Variants in CACHD1 observed in about 807,000 individuals in gnomAD.
CACHD1 encodes VWFA and cache domain-containing protein 1.
In CACHD1, 71 loss-of-function variants were observed where a neutral mutation model predicts 138.7. The ratio of observed to expected loss-of-function variants is 0.51; its 90% CI spans 0.42 to 0.62. CACHD1 has a LOEUF of 0.62. Ranked by LOEUF, CACHD1 falls within the 20% of genes least tolerant of loss-of-function variation. CACHD1 has a pLI of 0.00. For missense variants in CACHD1, 1,389 were observed against 1,625.3 expected, an observed-to-expected ratio of 0.85 and a Z score of 2.50; for synonymous variants, 578 against 591.5, an observed-to-expected ratio of 0.98 and a Z score of 0.33.
In CACHD1 at chr1:64,658,604, G is replaced by A. The variant is rs972193545; in HGVS notation, c.1783-101G>A. ...CATATTTAATGAATACCTTCCACGT[G>A]AAGATAGAAGGTAGAGGCAGTAGAA... On this transcript the variant is annotated intron_variant, in intron 12 of 26. Transcript: ENST00000651257. 2.0e-5 allele frequency: 15 copies of A among 759,496 alleles called. No individual in the cohort carries two copies. In the Admixed American group the frequency reaches 4.2e-4, roughly 21 times the overall value. The allele number at this position is 759,496 out of a possible 1,614,324, so 47.0% of individuals were successfully genotyped here. A position where few individuals can be genotyped will look rare whatever the true frequency, so the allele number is the denominator to read the frequency against.
chr1:64,566,712 A>T (rs1294464327), intron 2 of CACHD1, among the ~76,000 whole-genome samples: 23 of 147,550 alleles, frequency 1.6e-4, no homozygotes, highest in African/African-American at 5.2e-4. Flanking sequence ...TTTTTTTTTT[A>T]AAGGGAAGAT....
At position 64,643,564 on chromosome 1, in the gene CACHD1, C is replaced by T. The variant is rs187199555; in HGVS notation, c.1156+1595C>T. Among the ~76,000 whole-genome samples, 91 of 152,254 alleles carry T rather than the reference C, an allele frequency of 6.0e-4. No individual in the cohort carries two copies. The Middle Eastern group carries it at 0.01, about 17-fold the overall frequency. On this transcript the variant is annotated intron_variant, in intron 8 of 26. Transcript: ENST00000651257. ...AGAAAGTGTCCTCAAAGACCGAGCT[C>T]GGTGGCTCATGCCTGTAATCCCAGC...
intron 1 of CACHD1, among the ~76,000 whole-genome samples, chr1:64,511,699 T>A (rs1345455919): frequency 2.0e-5 from 3 of 152,210 alleles, no homozygotes; most frequent in African/African-American, 7.2e-5. Flanking sequence ...TTATTCCCTA[T>A]GAACCCCAGG....
intron 1 of CACHD1, among the ~76,000 whole-genome samples, chr1:64,548,672 G>T (rs1382503041): frequency 6.6e-6 from 1 of 152,158 alleles, no homozygotes; most frequent in African/African-American, 2.4e-5. Context: ...AAATACATTG[G>T]TTGAGATCTG....
chr1:64,660,353 C>CT (rs1326830928), intron 13 of CACHD1, among the ~76,000 whole-genome samples: 1 of 152,118 alleles, frequency 6.6e-6, no homozygotes, highest in African/African-American at 2.4e-5. Flanking sequence ...CCACGTGTAG[C>CT]TATTGGGCAC....
At chr1:64,603,621 G>A (rs536866766) in intron 4 of CACHD1, among the ~76,000 whole-genome samples, 1 of 152,228 alleles carries the variant, frequency 6.6e-6, no homozygotes, top group South Asian at 2.1e-4. Flanking sequence ...GAAAAATGCT[G>A]TGAGAGCTTT....
chr1:64,635,249 G>A (rs910185577), intron 7 of CACHD1, among the ~76,000 whole-genome samples: 3 of 152,086 alleles, frequency 2.0e-5, no homozygotes, highest in African/African-American at 7.2e-5. Context: ...TTGACTTGGA[G>A]TGGAAGTCTG....
chr1:64,627,413 A>T (rs574635621), intron 4 of CACHD1, among the ~76,000 whole-genome samples: 82 of 152,212 alleles, frequency 5.4e-4, no homozygotes, highest in Admixed American at 3.3e-4. Flanking sequence ...TCTCAAAAAA[A>T]TTTTTTAAAT....
intron 1 of CACHD1, among the ~76,000 whole-genome samples, chr1:64,500,063 C>G (rs1646329638): frequency 6.6e-6 from 1 of 152,176 alleles, no homozygotes; most frequent in Admixed American, 6.5e-5. Flanking sequence ...TGGCCTTCTT[C>G]TATCTTGAGA....
At chr1:64,520,784 G>A (rs1168215592) in intron 1 of CACHD1, among the ~76,000 whole-genome samples, 8 of 152,176 alleles carry the variant, frequency 5.3e-5, no homozygotes, top group South Asian at 4.1e-4. Context: ...TACTGAGCAC[G>A]TAGCATGTGT....
chr1:64,679,882 G>A, intron 24 of CACHD1, 126 bp downstream of exon 24: 1 of 1,103,502 alleles, frequency 9.1e-7, no homozygotes, highest in Non-Finnish European at 1.3e-6. Flanking sequence ...AGTCATTTTG[G>A]AAGTTCCCAA....
chr1:64,641,726 G>C, intron 7 of CACHD1, 94 bp from the exon 8 acceptor site: 1 of 935,044 alleles, frequency 1.1e-6, no homozygotes, highest in South Asian at 2.0e-5. Flanking sequence ...GCAAGTCCTC[G>C]AGGTGGGGAA....
chr1:64,651,729 C>T (rs1433194502), intron 9 of CACHD1, among the ~76,000 whole-genome samples: 1 of 152,164 alleles, frequency 6.6e-6, no homozygotes, highest in Admixed American at 6.5e-5. Flanking sequence ...GTCACCTGTA[C>T]AATACAAAAG....
rs531302572 is a variant in CACHD1, at chr1:64,691,630, G to A, written c.*69G>A. 8.6e-5 allele frequency: 125 copies of A among 1,447,324 alleles called. No individual in the cohort carries two copies. The highest frequency in any genetic ancestry group is 4.2e-4 in the Admixed American group (24 of 57,186). 89.7% of individuals were successfully genotyped at this position (1,447,324 alleles called of 1,614,324 possible). On this transcript the variant is annotated 3_prime_UTR_variant, in exon 27 of 27. Transcript: ENST00000651257. The stretch of plus-strand genomic sequence containing the variant: ...GAATGTTCTGGAAAGAAAAAGAACC[G>A]GCTTAAAACCCACAGCAAGAGACCT...
At chr1:64,663,575 G>GAA in intron 13 of CACHD1, 120 bp from the exon 14 acceptor site, 3 of 1,194,070 alleles carry the variant, frequency 2.5e-6, no homozygotes, top group Non-Finnish European at 3.5e-6. Flanking sequence ...AGAAAAAAAG[G>GAA]AAAAAAAAAG....
At chr1:64,475,171 C>CTTTTTTTTTTTTTTTTTTTTTT (rs3078373) in intron 1 of CACHD1, among the ~76,000 whole-genome samples, 8 of 124,288 alleles carry the variant, frequency 6.4e-5, no homozygotes, top group Non-Finnish European at 6.5e-5. Context: ...AAATTCCTTC[C>CTTTTTTTTTTTTTTTTTTTTTT]TTTTTTTTTT....
intron 16 of CACHD1, among the ~76,000 whole-genome samples, chr1:64,669,521 T>C (rs954368000): frequency 6.6e-6 from 1 of 152,182 alleles, no homozygotes; most frequent in Non-Finnish European, 1.5e-5. Flanking sequence ...TACACATTTT[T>C]AGTGCCCTGA....
intron 1 of CACHD1, among the ~76,000 whole-genome samples, chr1:64,518,110 T>C (rs1422876263): frequency 2.6e-5 from 4 of 152,180 alleles, no homozygotes; most frequent in African/African-American, 4.8e-5. Flanking sequence ...TAAATGTTTG[T>C]ATCTCCTTAC....
chr1:64,529,084 T>G (rs1053352282), intron 1 of CACHD1, among the ~76,000 whole-genome samples: 6 of 152,180 alleles, frequency 3.9e-5, no homozygotes, highest in Non-Finnish European at 8.8e-5. Context: ...TAGTCTGGTG[T>G]TTGTTTTTAT....
Sources: gnomAD v4.1 joint callset for allele counts (sites outside exome capture counted in the v4.1 genomes callset) on GRCh38, gnomAD v4.1.1 for gene constraint, MANE v1.5 for transcripts, NCBI Gene and HGNC (gene_info 2026-07-23, HGNC 2026-07-21) for gene names.